Variants in ROBO2 observed in about 807,000 individuals in gnomAD.
ROBO2 encodes roundabout homolog 2.
ROBO2 carries 53 observed loss-of-function variants against 160.8 expected under a neutral mutation model. The ratio of observed to expected loss-of-function variants is 0.33; its 90% CI spans 0.26 to 0.41. The LOEUF (loss-of-function observed/expected upper bound fraction) is 0.41, where lower values mean the gene tolerates loss of function less well. ROBO2 is among the 10% of genes least tolerant of loss of function. The probability of loss-of-function intolerance (pLI) is 1.00; values close to 1 mark genes in which losing one functional copy is unlikely to be tolerated. For missense variants in ROBO2, 1,577 were observed against 1,722.4 expected (o/e 0.92, Z 1.49); for synonymous variants, 664 against 611.7 (o/e 1.09, Z -1.26).
chr3:76,299,758 T>G (rs898897152), intron 2 of ROBO2, among the ~76,000 whole-genome samples: 1 of 152,100 alleles, frequency 6.6e-6, no homozygotes, highest in Non-Finnish European at 1.5e-5. Context: ...GAAAACTGGT[T>G]AAATTCTACA....
At chr3:77,319,394 G>A (rs968082803) in intron 2 of ROBO2, among the ~76,000 whole-genome samples, 18 of 152,162 alleles carry the variant, frequency 1.2e-4, no homozygotes, top group African/African-American at 3.6e-4. Context: ...CTCCTGTTAA[G>A]TAAGATTAGA....
At position 76,380,105 on chromosome 3, in the gene ROBO2, GT is replaced by G. The variant is rs1052298981; in HGVS notation, c.109+442508del. On this transcript the variant is annotated intron_variant, in intron 2 of 26. Coordinates refer to the ROBO2 transcript ENST00000487694. ...TAGGTGGGCAATACATTTTTGGTGG[GT>G]TTTTGGAATACAATGGTTTGTTTCA... Among the ~76,000 whole-genome samples, 41 of 151,772 alleles carry G rather than the reference GT, an allele frequency of 2.7e-4. 1 individual carries two copies. Among genetic ancestry groups the G allele is most frequent in the African/African-American group, 9.7e-4 (40 of 41,400 alleles).
At chr3:76,775,773 A>C (rs2108548227) in intron 2 of ROBO2, among the ~76,000 whole-genome samples, 1 of 150,660 alleles carries the variant, frequency 6.6e-6, no homozygotes, top group African/African-American at 2.4e-5. Context: ...AAGCCTTCAA[A>C]TTGTATTACG....
chr3:76,653,930 G>C (rs1270926413), intron 2 of ROBO2, among the ~76,000 whole-genome samples: 1 of 151,974 alleles, frequency 6.6e-6, no homozygotes, highest in African/African-American at 2.4e-5. Context: ...TTTTAATATG[G>C]ACATTTTTCA....
chr3:77,018,779 A>C (rs2149494850), intron 2 of ROBO2, among the ~76,000 whole-genome samples: 1 of 152,306 alleles, frequency 6.6e-6, no homozygotes, highest in African/African-American at 2.4e-5. Context: ...AATATTGTGT[A>C]ATTCCACTAC....
At chr3:77,087,887 A>AAT (rs1305811415) in intron 1 of ROBO2, among the ~76,000 whole-genome samples, 2 of 151,906 alleles carry the variant, frequency 1.3e-5, no homozygotes, top group Admixed American at 1.3e-4. Flanking sequence ...CATACATAAG[A>AAT]ATATATATAT....
chr3:77,489,246 T>C (rs2085768356), intron 4 of ROBO2, among the ~76,000 whole-genome samples: 1 of 152,182 alleles, frequency 6.6e-6, no homozygotes, highest in South Asian at 2.1e-4. Flanking sequence ...TTTGCCTTTG[T>C]TTTGCTTTGA....
intron 2 of ROBO2, among the ~76,000 whole-genome samples, chr3:76,629,408 C>T (rs920500141): frequency 2.2e-4 from 33 of 152,246 alleles, no homozygotes; most frequent in African/African-American, 7.7e-4. Context: ...CCACAATAGG[C>T]CCTCTGCAAG....
At chr3:77,357,864 C>T (rs1297389149) in intron 2 of ROBO2, among the ~76,000 whole-genome samples, 2 of 152,140 alleles carry the variant, frequency 1.3e-5, no homozygotes, top group Non-Finnish European at 2.9e-5. Flanking sequence ...TAAAAACTAC[C>T]TTTCCCTATG....
intron 2 of ROBO2, among the ~76,000 whole-genome samples, chr3:77,193,723 C>T (rs2082083423): frequency 6.6e-6 from 1 of 152,036 alleles, no homozygotes; most frequent in Non-Finnish European, 1.5e-5. Context: ...TAAGAATTTG[C>T]ACCATAGGGA....
chr3:76,611,753 CTTTCA>C (rs2109087190), intron 2 of ROBO2, among the ~76,000 whole-genome samples: 1 of 151,980 alleles, frequency 6.6e-6, no homozygotes, highest in Non-Finnish European at 1.5e-5. Flanking sequence ...TGTTTTCTTT[CTTTCA>C]TTTATTTCTG....
intron 2 of ROBO2, among the ~76,000 whole-genome samples, chr3:77,271,858 T>C (rs146762858): frequency 6.6e-6 from 1 of 152,190 alleles, no homozygotes; most frequent in Non-Finnish European, 1.5e-5. Context: ...CCCCTTTTCA[T>C]CTTCTGAACA....
chr3:77,401,133 C>A (rs564714298), intron 2 of ROBO2, among the ~76,000 whole-genome samples: 3 of 151,894 alleles, frequency 2.0e-5, no homozygotes, highest in Non-Finnish European at 4.4e-5. Flanking sequence ...AAATGTCATG[C>A]CTTTGTTTAG....
intron 2 of ROBO2, among the ~76,000 whole-genome samples, chr3:76,877,741 A>G (rs554142112): frequency 1.3e-5 from 2 of 152,322 alleles, no homozygotes; most frequent in South Asian, 4.1e-4. Flanking sequence ...ATTTGCTCAC[A>G]ATACTGGAGG....
intron 2 of ROBO2, among the ~76,000 whole-genome samples, chr3:76,580,553 A>C (rs1401749355): frequency 6.6e-6 from 1 of 151,776 alleles, no homozygotes; most frequent in Non-Finnish European, 1.5e-5. Context: ...GATATTCAGG[A>C]CCTCAGCAGT....
intron 2 of ROBO2, among the ~76,000 whole-genome samples, chr3:76,264,079 A>C (rs1706943102): frequency 6.6e-6 from 1 of 152,122 alleles, no homozygotes; most frequent in Admixed American, 6.6e-5. Context: ...GGGAGTGAGG[A>C]GCCAGAGGAG....
intron 2 of ROBO2, among the ~76,000 whole-genome samples, chr3:77,211,096 A>AT (rs1286004421): frequency 1.3e-5 from 2 of 152,180 alleles, no homozygotes; most frequent in Non-Finnish European, 2.9e-5. Flanking sequence ...TCCTTTGGGT[A>AT]TATACCCAGT....
intron 14 of ROBO2, 75 bp downstream of exon 15, chr3:77,574,805 C>T (rs2093720978): frequency 2.8e-6 from 3 of 1,073,820 alleles, no homozygotes; most frequent in Non-Finnish European, 4.3e-6. Flanking sequence ...TTGTTATCTT[C>T]CTTAGAAGAA....
At chr3:77,603,757 GC>G (rs1462539200) in intron 20 of ROBO2, 2 of 151,838 alleles carry the variant, frequency 1.3e-5, no homozygotes, top group Admixed American at 6.6e-5. Flanking sequence ...AATTTTCCTG[GC>G]CCAAAGATCC....
Sources: gnomAD v4.1 joint callset for allele counts (sites outside exome capture counted in the v4.1 genomes callset) on GRCh38, gnomAD v4.1.1 for gene constraint, MANE v1.5 for transcripts, NCBI Gene and HGNC (gene_info 2026-07-23, HGNC 2026-07-21) for gene names.